AR: variants seen among roughly 807,000 people sequenced by gnomAD.
AR encodes androgen receptor.
In AR, 8 loss-of-function variants were observed where a neutral mutation model predicts 53.9. The ratio of observed to expected loss-of-function variants is 0.15; its 90% CI spans 0.09 to 0.27. The LOEUF is 0.27. AR is among the 10% of genes least tolerant of loss of function. AR has a pLI of 1.00. For synonymous variants in AR, 359 were observed against 316.4 expected, an observed-to-expected ratio of 1.13 and a Z score of -1.43; for missense variants, 639 against 742.5, an observed-to-expected ratio of 0.86 and a Z score of 1.62.
intron 1 of AR, among the ~76,000 whole-genome samples, chrX:67,629,701 G>T (rs868088813): frequency 1.8e-5 from 2 of 108,569 alleles, no homozygotes; most frequent in Non-Finnish European, 3.9e-5. Flanking sequence ...GTTTGCTCTT[G>T]CTTTTCTAGT....
chrX:67,562,839 A>G (rs1313865816), intron 1 of AR, among the ~76,000 whole-genome samples: 1 of 111,690 alleles, frequency 9.0e-6, no homozygotes, highest in African/African-American at 3.3e-5. Context: ...CTAGATCTTC[A>G]TTATCTGTAG....
At chrX:67,642,602 C>A (rs776236780) in intron 1 of AR, among the ~76,000 whole-genome samples, 2 of 110,755 alleles carry the variant, frequency 1.8e-5, no homozygotes, top group Admixed American at 1.9e-4. Context: ...TGGAATCTGG[C>A]GGATGTCCAT....
intron 1 of AR, among the ~76,000 whole-genome samples, chrX:67,549,698 G>A (rs937923280): frequency 5.4e-5 from 6 of 111,848 alleles, no homozygotes; most frequent in Non-Finnish European, 9.4e-5. Flanking sequence ...GAGAGTGCAT[G>A]CCAGAATTAG....
chrX:67,559,000 G>C (rs909960551), intron 1 of AR, among the ~76,000 whole-genome samples: 1 of 111,978 alleles, frequency 8.9e-6, no homozygotes, highest in African/African-American at 3.2e-5. Flanking sequence ...CACAACTTAT[G>C]TTATTTTCCA....
chrX:67,608,870 A>T (rs1182731105), intron 1 of AR, among the ~76,000 whole-genome samples: 1 of 111,328 alleles, frequency 9.0e-6, no homozygotes, highest in Non-Finnish European at 1.9e-5. Context: ...GACATAAAAT[A>T]TTGTATTTTT....
intron 2 of AR, among the ~76,000 whole-genome samples, chrX:67,668,449 T>C (rs1208850654): frequency 9.0e-6 from 1 of 111,534 alleles, no homozygotes; most frequent in Non-Finnish European, 1.9e-5. Flanking sequence ...TAATGTGTTG[T>C]TGAATTCAGT....
intron 1 of AR, among the ~76,000 whole-genome samples, chrX:67,565,354 T>C (rs752687977): frequency 8.9e-6 from 1 of 112,005 alleles, no homozygotes; most frequent in Non-Finnish European, 1.9e-5. Flanking sequence ...TAGTTCTCTT[T>C]TTTCCTTTCC....
intron 3 of AR, among the ~76,000 whole-genome samples, chrX:67,699,018 G>A (rs1405814830): frequency 8.9e-6 from 1 of 112,041 alleles, no homozygotes; most frequent in East Asian, 2.8e-4. Context: ...AAGTCATTAA[G>A]GTAGTAATTA....
At position 67,724,764 on chromosome X, in the gene AR, C is replaced by T. The variant is rs1420027104; in HGVS notation, c.*923C>T. 1.1e-5 allele frequency: 2 copies of T among 174,061 alleles called. No individual in the cohort carries two copies. Among genetic ancestry groups the T allele is most frequent in the African/African-American group, 5.9e-5 (2 of 33,812 alleles). The allele number at this position is 174,061 out of a possible 1,213,427, so 14.3% of individuals were successfully genotyped here. On this transcript the variant is annotated 3_prime_UTR_variant, in exon 8 of 8. Coordinates refer to ENST00000374690, the MANE Select transcript of AR (RefSeq NM_000044.6). ...CTCTCTGCCTCCAACTTCAGATTGA[C>T]TTTCAATAGTTTTTCTAAGACCTTT...
At chrX:67,709,454 A>G (rs1015725104) in intron 3 of AR, among the ~76,000 whole-genome samples, 1 of 112,326 alleles carries the variant, frequency 8.9e-6, no homozygotes. Flanking sequence ...GTGGGATATA[A>G]TCTCCTGGTG....
At chrX:67,584,994 G>A (rs1922469673) in intron 1 of AR, among the ~76,000 whole-genome samples, 1 of 111,634 alleles carries the variant, frequency 9.0e-6, no homozygotes, top group African/African-American at 3.3e-5. Context: ...AGTGGCTCAC[G>A]ACTGTAATCC....
intron 1 of AR, among the ~76,000 whole-genome samples, chrX:67,611,321 A>T (rs745834308): frequency 2.2e-4 from 25 of 111,413 alleles, no homozygotes; most frequent in African/African-American, 8.1e-4. Context: ...TGTGAAAATG[A>T]TTATCTTTTC....
At chrX:67,553,853 A>G (rs944808389) in intron 1 of AR, among the ~76,000 whole-genome samples, 1 of 112,090 alleles carries the variant, frequency 8.9e-6, no homozygotes, top group African/African-American at 3.2e-5. Context: ...TTCGCTGCCA[A>G]TGTATGGAAA....
chrX:67,579,803 T>C (rs1922210183), intron 1 of AR, among the ~76,000 whole-genome samples: 1 of 111,868 alleles, frequency 8.9e-6, no homozygotes, highest in Non-Finnish European at 1.9e-5. Flanking sequence ...CCTTTCTTTT[T>C]GTTTAAAAAT....
At chrX:67,568,364 C>A (rs1376852714) in intron 1 of AR, among the ~76,000 whole-genome samples, 1 of 111,506 alleles carries the variant, frequency 9.0e-6, no homozygotes, top group Admixed American at 9.5e-5. Context: ...ATGGACTGGG[C>A]AACTGAAACC....
intron 2 of AR, among the ~76,000 whole-genome samples, chrX:67,685,676 A>G (rs182509719): frequency 8.9e-6 from 1 of 111,733 alleles, no homozygotes; most frequent in African/African-American, 3.3e-5. Flanking sequence ...AAGTTCCACA[A>G]TGGATCATTT....
chrX:67,704,085 GAA>G (rs1345148130), intron 3 of AR, among the ~76,000 whole-genome samples: 4 of 111,874 alleles, frequency 3.6e-5, no homozygotes, highest in African/African-American at 1.3e-4. Context: ...TTGCTATTGT[GAA>G]TAGTGCCACA....
chrX:67,578,903 T>A (rs1010917157), intron 1 of AR, among the ~76,000 whole-genome samples: 2 of 112,277 alleles, frequency 1.8e-5, no homozygotes, highest in Non-Finnish European at 3.8e-5. Flanking sequence ...TTGAAGATAC[T>A]ATTACCTAGC....
intron 3 of AR, among the ~76,000 whole-genome samples, chrX:67,704,229 C>T (rs911754237): frequency 8.9e-6 from 1 of 112,012 alleles, no homozygotes; most frequent in Non-Finnish European, 1.9e-5. Context: ...ACACTGACTT[C>T]CACAATGGTT....
Sources: gnomAD v4.1 joint callset for allele counts (sites outside exome capture counted in the v4.1 genomes callset) on GRCh38, gnomAD v4.1.1 for gene constraint, MANE v1.5 for transcripts, NCBI Gene and HGNC (gene_info 2026-07-23, HGNC 2026-07-21) for gene names.